NRXN3: variants seen among roughly 807,000 people sequenced by gnomAD.
NRXN3 encodes neurexin III.
NRXN3 carries 32 observed loss-of-function variants against 137.6 expected under a neutral mutation model. The ratio of observed to expected loss-of-function variants is 0.23; its 90% CI spans 0.18 to 0.31. The LOEUF is 0.31. Ranked by LOEUF, NRXN3 falls within the 10% of genes least tolerant of loss-of-function variation. NRXN3 has a pLI of 1.00. For synonymous variants in NRXN3, 798 were observed against 784.5 expected (o/e 1.02, Z -0.29); for missense variants, 1,574 against 2,062.5 (o/e 0.76, Z 4.59).
chr14:78,535,966 T>C (rs570236024), intron 4 of NRXN3, among the ~76,000 whole-genome samples: 1 of 152,302 alleles, frequency 6.6e-6, no homozygotes, highest in African/African-American at 2.4e-5. Context: ...TTTAATCGTG[T>C]GAAGCCATGT....
intron 1 of NRXN3, among the ~76,000 whole-genome samples, chr14:78,196,236 C>T (rs986016606): frequency 6.6e-6 from 1 of 152,234 alleles, no homozygotes; most frequent in African/African-American, 2.4e-5. Flanking sequence ...GCCATGCCAG[C>T]ACCACTCAAG....
At chr14:79,343,748 C>G (rs1256692083) in intron 15 of NRXN3, among the ~76,000 whole-genome samples, 1 of 152,148 alleles carries the variant, frequency 6.6e-6, no homozygotes, top group South Asian at 2.1e-4. Flanking sequence ...ATATTTCCTT[C>G]AAATTCACTG....
At chr14:78,456,783 T>TTCTC (rs2094716576) in intron 4 of NRXN3, among the ~76,000 whole-genome samples, 1 of 145,998 alleles carries the variant, frequency 6.8e-6, no homozygotes, top group Non-Finnish European at 1.5e-5. Context: ...TTCTTTCCCT[T>TTCTC]TCTCTCTCTC....
rs552605915 is a variant in NRXN3, at chr14:79,007,366, T to G, written c.3262+19225T>G. 2.0e-5 allele frequency among the ~76,000 whole-genome samples: 3 copies of G among 151,932 alleles called. No homozygotes were observed. In the South Asian group the frequency reaches 6.2e-4, roughly 32 times the overall value. ...GGTTGTCGTTTCTGTCAACTTTTAG[T>G]ATTGAAGAGAAGCCTCATGTGTAGT... is the stretch of plus-strand genomic sequence containing the variant. On this transcript the variant is annotated intron_variant, in intron 15 of 20. Coordinates refer to ENST00000335750, the MANE Select transcript of NRXN3 (RefSeq NM_001330195.2).
rs374292461 is a variant in NRXN3, at chr14:79,440,389, A to G, written c.3263-26832A>G. The stretch of plus-strand genomic sequence containing the variant: ...TTACTATTGTTTCTTAAAGATTGAC[A>G]ACAAGGCGTATGAACAGCATGCCTG... On this transcript the variant is annotated intron_variant, in intron 15 of 20. Coordinates refer to ENST00000335750, the MANE Select transcript of NRXN3 (RefSeq NM_001330195.2). Among the ~76,000 whole-genome samples, 49 of 152,354 alleles carry G rather than the reference A, an allele frequency of 3.2e-4. 1 individual carries two copies. Among genetic ancestry groups the G allele is most frequent in the African/African-American group, 1.1e-3 (45 of 41,574 alleles).
chr14:78,188,155 A>G (rs932731416), intron 1 of NRXN3, among the ~76,000 whole-genome samples: 1 of 152,148 alleles, frequency 6.6e-6, no homozygotes, highest in Non-Finnish European at 1.5e-5. Context: ...GGGACCAAAA[A>G]CAGGACTGCA....
intron 10 of NRXN3, among the ~76,000 whole-genome samples, chr14:78,884,955 A>G (rs1567608255): frequency 6.6e-6 from 1 of 152,102 alleles, no homozygotes; most frequent in Non-Finnish European, 1.5e-5. Context: ...CATAGGAAAC[A>G]TTCAGTATAT....
chr14:78,756,585 G>T (rs1212294119), intron 8 of NRXN3, among the ~76,000 whole-genome samples: 1 of 147,986 alleles, frequency 6.8e-6, no homozygotes, highest in Non-Finnish European at 1.5e-5. Flanking sequence ...TAAAATGAAA[G>T]TTTTGTTGTA....
intron 2 of NRXN3, among the ~76,000 whole-genome samples, chr14:78,264,097 G>T (rs570808211): frequency 1.3e-5 from 2 of 152,232 alleles, no homozygotes; most frequent in Non-Finnish European, 2.9e-5. Flanking sequence ...TGTTTATAGA[G>T]ACCAGCCACT....
At chr14:79,394,210 A>G (rs887336133) in intron 15 of NRXN3, among the ~76,000 whole-genome samples, 1 of 152,230 alleles carries the variant, frequency 6.6e-6, no homozygotes, top group Non-Finnish European at 1.5e-5. Context: ...ATGTAGGAAG[A>G]ACACACATGT....
chr14:79,085,294 A>G (rs2047892338), intron 15 of NRXN3, among the ~76,000 whole-genome samples: 1 of 152,202 alleles, frequency 6.6e-6, no homozygotes, highest in African/African-American at 2.4e-5. Flanking sequence ...TGTCTTCAGC[A>G]TTGAAAAGTT....
chr14:78,931,936 C>T (rs186854648), intron 10 of NRXN3, among the ~76,000 whole-genome samples: 1 of 152,044 alleles, frequency 6.6e-6, no homozygotes, highest in Admixed American at 6.6e-5. Context: ...CACCTGAGAT[C>T]AGGAGTTCGA....
intron 15 of NRXN3, among the ~76,000 whole-genome samples, chr14:79,236,566 C>T (rs1311331550): frequency 6.6e-6 from 1 of 151,978 alleles, no homozygotes; most frequent in East Asian, 1.9e-4. Context: ...GAAATTATAT[C>T]TCAGGGTAGA....
At chr14:79,849,894 G>A (rs948475950) in intron 20 of NRXN3, among the ~76,000 whole-genome samples, 1 of 152,054 alleles carries the variant, frequency 6.6e-6, no homozygotes, top group Non-Finnish European at 1.5e-5. Context: ...GAAGTTATGA[G>A]GAACAAAGGT....
At chr14:79,405,354 C>T (rs374896260) in intron 15 of NRXN3, among the ~76,000 whole-genome samples, 213 of 152,202 alleles carry the variant, frequency 1.4e-3, no homozygotes, top group African/African-American at 4.8e-3. Context: ...TAACTGTGTG[C>T]ACTGGGAGAG....
chr14:79,531,294 T>C (rs894932187), intron 16 of NRXN3, among the ~76,000 whole-genome samples: 2 of 152,228 alleles, frequency 1.3e-5, no homozygotes, highest in African/African-American at 4.8e-5. Context: ...AGCATTTTGT[T>C]CCATGGAGGA....
chr14:78,441,960 G>A (rs1170569376), intron 4 of NRXN3, among the ~76,000 whole-genome samples: 2 of 152,052 alleles, frequency 1.3e-5, no homozygotes, highest in Non-Finnish European at 2.9e-5. Flanking sequence ...GCCAGGCGTG[G>A]TGGCGGGGAC....
At chr14:79,612,237 C>T (rs78095235) in intron 16 of NRXN3, among the ~76,000 whole-genome samples, 2 of 152,242 alleles carry the variant, frequency 1.3e-5, no homozygotes, top group African/African-American at 4.8e-5. Context: ...TATGGTTTTT[C>T]AATCATTTGT....
At position 79,861,876 on chromosome 14, in the gene NRXN3, G is replaced by T; in HGVS notation, c.4628G>T (p.Ser1543Ile). 6.2e-7 allele frequency: 1 copy of T among 1,614,078 alleles called. No individual in the cohort carries two copies. Among genetic ancestry groups the T allele is most frequent in the Non-Finnish European group, 8.5e-7 (1 of 1,179,994 alleles). ...TRNYISNSAQ[S>I]NGTLMKEKQQ... ...AACTACATCAGCAACTCCGCCCAGA[G>T]CAACGGCACGCTCATGAAGGAGAAG... The change falls in exon 21 of 21, where the codon AGC (serine) becomes ATC (isoleucine). Residue 1543 changes from serine (S) to isoleucine (I), a missense_variant. Ser to Ile is a moderately radical substitution (Grantham distance 142). Around this residue, in one of 5 missense-constraint regions of NRXN3, gnomAD observed 320 missense variants for 387.1 expected, o/e 0.83. Transcript: ENST00000335750. This position sits in a 1 kb window ranked among gnomAD's most constrained non-coding sequence, Gnocchi z 5.4.
Sources: allele counts gnomAD v4.1 joint callset (sites outside exome capture counted in the v4.1 genomes callset), GRCh38; gene constraint gnomAD v4.1.1; regional missense constraint gnomAD v4.1.1; non-coding constraint Gnocchi (gnomAD v3.1); transcripts MANE v1.5; gene names NCBI Gene and HGNC (gene_info 2026-07-23, HGNC 2026-07-21).